NRP1: variants seen among roughly 807,000 people sequenced by gnomAD.
NRP1 encodes the protein neuropilin 1.
In NRP1, 35 loss-of-function variants were observed where a neutral mutation model predicts 106.7. The observed-to-expected ratio is 0.33, with a 90% CI of 0.25 to 0.43. The LOEUF (loss-of-function observed/expected upper bound fraction) is 0.43. Ranked by LOEUF, NRP1 falls within the 20% of genes least tolerant of loss-of-function variation. NRP1 has a pLI of 1.00. For missense variants in NRP1, 1,024 were observed against 1,170.4 expected (o/e 0.87, Z 1.83); for synonymous variants, 437 against 417.9 (o/e 1.05, Z -0.56).
At chr10:33,185,584 C>T in intron 15 of NRP1, 44 bp downstream of exon 15, 1 of 1,447,642 alleles carries the variant, frequency 6.9e-7, no homozygotes, top group Admixed American at 1.7e-5. Context: ...AGAGTCTTGC[C>T]CTGGGCAAGC....
intron 12 of NRP1, among the ~76,000 whole-genome samples, 200 bp from the exon 13 acceptor site, chr10:33,192,618 T>C (rs61760428): frequency 0.013 from 1,996 of 152,280 alleles, 49 homozygotes; most frequent in African/African-American, 0.046. Context: ...AAACCACATT[T>C]AGTAATTTCT....
intron 2 of NRP1, among the ~76,000 whole-genome samples, chr10:33,304,325 A>C (rs1037277022): frequency 6.6e-5 from 10 of 152,188 alleles, no homozygotes; most frequent in Admixed American, 5.9e-4. Flanking sequence ...AAATTGAGAA[A>C]GCTAAGAAGA....
chr10:33,305,855 G>A (rs1219825965), intron 2 of NRP1, among the ~76,000 whole-genome samples: 2 of 151,664 alleles, frequency 1.3e-5, no homozygotes, highest in African/African-American at 2.4e-5. Flanking sequence ...TGCAACTTCC[G>A]CCTCCTGGGT....
Position 33,207,593 on chromosome 10 carries a change from G to T in NRP1, c.1738C>A (p.Leu580Met), listed in dbSNP as rs61760419. 1 of 1,614,198 alleles carries T rather than the reference G, an allele frequency of 6.2e-7. No individual in the cohort carries two copies. The highest frequency in any genetic ancestry group is 8.5e-7 in the Non-Finnish European group (1 of 1,180,024). Residue 580 changes from leucine (L) to methionine (M), a missense_variant, in exon 10 of 17, where the codon CTG becomes ATG. This residue lies in a region of NRP1 where 562 missense variants were observed against 620.3 expected (regional missense o/e 0.91). Coordinates refer to ENST00000374867, the MANE Select transcript of NRP1 (RefSeq NM_003873.7). ...THGGLGLRME[L>M]LGCEVEAPTA... Reference sequence around the variant, plus strand: ...TTACCTTCCACTTCACAGCCCAGCAGCTCCATTCTGAGCCCCAGTCCGCCA... The same window carrying T: ...TTACCTTCCACTTCACAGCCCAGCATCTCCATTCTGAGCCCCAGTCCGCCA...
chr10:33,192,169 A>G, intron 13 of NRP1, 112 bp downstream of exon 13: 1 of 1,127,694 alleles, frequency 8.9e-7, no homozygotes, highest in East Asian at 2.4e-5. Flanking sequence ...GAACGCCTGT[A>G]GTAATTCCTA....
At chr10:33,334,284 C>T (rs1356758503) in intron 1 of NRP1, 26 bp downstream of exon 1, 1 of 1,536,376 alleles carries the variant, frequency 6.5e-7, no homozygotes, top group Non-Finnish European at 8.7e-7. Context: ...GCGCCGCTGT[C>T]ACCCGCGCCT....
chr10:33,228,236 G>T (rs940413958), intron 6 of NRP1, among the ~76,000 whole-genome samples: 2 of 152,108 alleles, frequency 1.3e-5, no homozygotes, highest in African/African-American at 4.8e-5. Flanking sequence ...GCCTGGCATA[G>T]TGGCACATGC....
intron 6 of NRP1, among the ~76,000 whole-genome samples, chr10:33,253,681 C>T (rs1162920801): frequency 1.3e-5 from 2 of 152,140 alleles, no homozygotes; most frequent in Admixed American, 1.3e-4. Context: ...CATTAACAGA[C>T]AGTGTGTAGT....
intron 4 of NRP1, among the ~76,000 whole-genome samples, chr10:33,258,275 C>CAAAAT (rs1469810180): frequency 1.3e-5 from 2 of 152,186 alleles, no homozygotes; most frequent in East Asian, 3.8e-4. Flanking sequence ...CAAACCCAAA[C>CAAAAT]AAAATAAAAT....
At position 33,239,220 on chromosome 10, in the gene NRP1, C is replaced by T. The variant is rs1033756966; in HGVS notation, c.982-12931G>A. The stretch of plus-strand genomic sequence containing the variant: ...AGAGGATCACTTGAGCCCAGGAGGT[C>T]GATGCTGCAGTGAGCTGCAATCGTG... On this transcript the variant is annotated intron_variant, in intron 6 of 16. Coordinates refer to ENST00000374867, the MANE Select transcript of NRP1 (RefSeq NM_003873.7). 2.0e-5 allele frequency among the ~76,000 whole-genome samples: 3 copies of T among 151,286 alleles called. No individual in the cohort carries two copies. The South Asian group carries it at 6.3e-4, about 32-fold the overall frequency.
At chr10:33,283,498 T>C (rs1844293102) in intron 2 of NRP1, among the ~76,000 whole-genome samples, 6 of 152,244 alleles carry the variant, frequency 3.9e-5, no homozygotes, top group Admixed American at 3.9e-4. Context: ...TAATGAGAAA[T>C]ATATCTCTGG....
At chr10:33,207,801 C>T (rs1240609932) in intron 9 of NRP1, 85 bp from the exon 10 acceptor site, 2 of 1,470,232 alleles carry the variant, frequency 1.4e-6, no homozygotes, top group Non-Finnish European at 1.9e-6. Flanking sequence ...TCCTTCAGGA[C>T]TCTGAATAAG....
chr10:33,313,637 G>C (rs1334577194), intron 2 of NRP1, among the ~76,000 whole-genome samples: 1 of 152,144 alleles, frequency 6.6e-6, no homozygotes, highest in African/African-American at 2.4e-5. Flanking sequence ...TCATTTCACA[G>C]ATGAAGAGAC....
chr10:33,268,242 C>T (rs865837117), intron 3 of NRP1, among the ~76,000 whole-genome samples: 1 of 151,968 alleles, frequency 6.6e-6, no homozygotes, highest in African/African-American at 2.4e-5. Context: ...CAATCTTGCC[C>T]AGTGGGGTGA....
At chr10:33,271,061 T>A (rs1025589303) in intron 2 of NRP1, among the ~76,000 whole-genome samples, 1 of 152,216 alleles carries the variant, frequency 6.6e-6, no homozygotes, top group African/African-American at 2.4e-5. Context: ...TGTATACATC[T>A]GGCAACACAC....
At chr10:33,298,025 T>C (rs1444192489) in intron 2 of NRP1, among the ~76,000 whole-genome samples, 1 of 152,222 alleles carries the variant, frequency 6.6e-6, no homozygotes, top group Admixed American at 6.5e-5. Context: ...TCAGTTATCC[T>C]GTTAATCTTG....
intron 4 of NRP1, among the ~76,000 whole-genome samples, chr10:33,260,175 T>C (rs1842478613): frequency 6.6e-6 from 1 of 152,210 alleles, no homozygotes; most frequent in Non-Finnish European, 1.5e-5. Context: ...AAAGGTATCC[T>C]TTTTAAAATG....
intron 12 of NRP1, among the ~76,000 whole-genome samples, chr10:33,196,776 G>T (rs976337016): frequency 6.6e-6 from 1 of 152,106 alleles, no homozygotes; most frequent in African/African-American, 2.4e-5. Flanking sequence ...TCTACTTTCT[G>T]CCTAGCTGGG....
intron 12 of NRP1, among the ~76,000 whole-genome samples, chr10:33,195,050 T>C (rs1836680609): frequency 6.6e-6 from 1 of 152,162 alleles, no homozygotes; most frequent in Non-Finnish European, 1.5e-5. Flanking sequence ...TATTCTGAAC[T>C]TAAAACAAAT....
Sources: allele counts gnomAD v4.1 joint callset (sites outside exome capture counted in the v4.1 genomes callset), GRCh38; gene constraint gnomAD v4.1.1; regional missense constraint gnomAD v4.1.1; transcripts MANE v1.5; gene names NCBI Gene and HGNC (gene_info 2026-07-23, HGNC 2026-07-21).